SV2C: variants seen among roughly 807,000 people sequenced by gnomAD.
The protein encoded by SV2C is synaptic vesicle glycoprotein 2C.
In SV2C, 49 loss-of-function variants were observed where a neutral mutation model predicts 79.7. That is an observed-to-expected ratio of 0.61 (90% CI 0.49 to 0.78). The LOEUF (loss-of-function observed/expected upper bound fraction) is 0.78. Among genes scored for constraint, SV2C ranks in the 30% least tolerant of loss-of-function variants. SV2C has a pLI of 0.00. For synonymous variants in SV2C, 334 were observed against 333.2 expected, an observed-to-expected ratio of 1.00 and a Z score of -0.03; for missense variants, 833 against 912.9, an observed-to-expected ratio of 0.91 and a Z score of 1.13.
intron 12 of SV2C, among the ~76,000 whole-genome samples, chr5:76,346,252 G>T (rs1248064504): frequency 6.6e-6 from 1 of 152,160 alleles, no homozygotes; most frequent in African/African-American, 2.4e-5. Flanking sequence ...ATCAGGAGGC[G>T]ATACATTCTG....
At position 76,132,214 on chromosome 5, in the gene SV2C, T is replaced by C; in HGVS notation, c.464T>C (p.Phe155Ser). The C allele has an allele frequency of 6.2e-7, 1 of 1,614,148 alleles. No homozygotes were observed. Among genetic ancestry groups the C allele is most frequent in the Non-Finnish European group, 8.5e-7 (1 of 1,180,014 alleles). ...CGHGRFQWAL[F>S]FVLGMALMAD... ...CATGGTCGTTTTCAGTGGGCCCTTTTCTTCGTCCTGGGCATGGCTCTTATG... is the reference window on the plus strand; with the variant it reads ...CATGGTCGTTTTCAGTGGGCCCTTTCCTTCGTCCTGGGCATGGCTCTTATG... The change falls in exon 2 of 13, where the codon TTC becomes TCC. Residue 155 changes from phenylalanine to serine, a missense_variant. Transcript: ENST00000502798.
the SV2C span, among the ~76,000 whole-genome samples, chr5:75,917,852 T>A: frequency 6.6e-6 from 1 of 152,160 alleles, no homozygotes. Context: ...AAAGGATAAA[T>A]GCTTGGGGAG....
the SV2C span, among the ~76,000 whole-genome samples, chr5:76,026,841 G>A: frequency 3.3e-5 from 5 of 152,256 alleles, no homozygotes; most frequent in East Asian, 1.9e-4. Flanking sequence ...TAAGGATGGC[G>A]CTGGGGAAGT....
chr5:76,079,459 C>A, upstream of SV2C: 1 of 291,952 alleles, frequency 3.4e-6, no homozygotes, highest in Non-Finnish European at 7.0e-6. Flanking sequence ...AGAGGCACAC[C>A]AAAGAAGGGA....
intron 4 of SV2C, among the ~76,000 whole-genome samples, chr5:76,254,240 GTA>G (rs67420685): frequency 0.031 from 2,013 of 65,248 alleles, 36 homozygotes; most frequent in African/African-American, 0.077. Flanking sequence ...ATGTGTGTGT[GTA>G]TATATATATA....
At position 76,291,698 on chromosome 5, in the gene SV2C, G is replaced by C. The variant is rs878933556; in HGVS notation, c.1249-70G>C. On this transcript the variant is annotated intron_variant, in intron 7 of 12. Coordinates refer to ENST00000502798, the MANE Select transcript of SV2C (RefSeq NM_014979.4). The stretch of plus-strand genomic sequence containing the variant: ...ACAACTCAGCATTTTTTATAATTTG[G>C]TGGAAGGGGTCGGGGAGTGGGGTTG... The C allele has an allele frequency of 3.9e-6, 4 of 1,028,674 alleles. No homozygotes were observed. In the South Asian group the frequency reaches 6.0e-5, roughly 15 times the overall value. The allele number at this position is 1,028,674 out of a possible 1,614,324, so 63.7% of individuals were successfully genotyped here.
At chr5:76,280,098 G>A (rs1747137601) in intron 4 of SV2C, among the ~76,000 whole-genome samples, 1 of 152,170 alleles carries the variant, frequency 6.6e-6, no homozygotes, top group Admixed American at 6.5e-5. Context: ...TCAAGTGCCA[G>A]GAGTGGAGTT....
chr5:75,888,512 C>A, the SV2C span, among the ~76,000 whole-genome samples: 1 of 151,994 alleles, frequency 6.6e-6, no homozygotes, highest in Non-Finnish European at 1.5e-5. Flanking sequence ...TTACCTTGGG[C>A]CTTTGCCTCT....
chr5:76,099,677 A>G (rs997915552), intron 1 of SV2C, among the ~76,000 whole-genome samples: 1 of 152,108 alleles, frequency 6.6e-6, no homozygotes, highest in African/African-American at 2.4e-5. Flanking sequence ...CAGGCTAACT[A>G]TTGGTTTCAT....
At chr5:75,921,252 G>C in the SV2C span, 1 of 1,449,578 alleles carries the variant, frequency 6.9e-7, no homozygotes, top group Non-Finnish European at 9.6e-7. Context: ...ACTTTGATGA[G>C]GATCTGCAGG....
chr5:76,131,566 C>G, intron 1 of SV2C, 84 bp from the exon 2 acceptor site: 1 of 403,060 alleles, frequency 2.5e-6, no homozygotes, highest in Non-Finnish European at 4.3e-6. Context: ...TTGTGGGACA[C>G]TGAAAAGAGG....
At chr5:75,961,914 G>C in the SV2C span, among the ~76,000 whole-genome samples, 2 of 152,016 alleles carry the variant, frequency 1.3e-5, no homozygotes, top group Admixed American at 1.3e-4. Context: ...GCACTACTGG[G>C]ATGCAAAAAT....
At chr5:75,952,140 G>A in the SV2C span, among the ~76,000 whole-genome samples, 38,983 of 151,784 alleles carry the variant, frequency 0.26, 6,196 homozygotes, top group Non-Finnish European at 0.37. Flanking sequence ...CTTATTTTTA[G>A]TGAACTGAAA....
the SV2C span, among the ~76,000 whole-genome samples, chr5:75,927,825 C>G: frequency 6.6e-6 from 1 of 152,094 alleles, no homozygotes; most frequent in Admixed American, 6.5e-5. Flanking sequence ...TTTGGTACAT[C>G]AGTTATACCT....
At chr5:76,256,256 G>T (rs1746262474) in intron 4 of SV2C, among the ~76,000 whole-genome samples, 1 of 152,176 alleles carries the variant, frequency 6.6e-6, no homozygotes, top group Non-Finnish European at 1.5e-5. Context: ...AATTGACTTA[G>T]AATGCAGACT....
In SV2C at chr5:76,162,819, G is replaced by A. The variant is rs745459677; in HGVS notation, c.580+30489G>A. On this transcript the variant is annotated intron_variant, in intron 2 of 12. Transcript: ENST00000502798. ...TGCTCCTCCACCTCTTTTACCAGTC[G>A]GTAGTCCTGAGAGCAGGGTTTTCCA... 3.3e-4 allele frequency among the ~76,000 whole-genome samples: 50 copies of A among 152,106 alleles called. 1 individual carries two copies. Among genetic ancestry groups the A allele is most frequent in the African/African-American group, 9.7e-4 (40 of 41,412 alleles).
the SV2C span, among the ~76,000 whole-genome samples, chr5:76,025,689 C>G: frequency 6.6e-6 from 1 of 152,168 alleles, no homozygotes; most frequent in East Asian, 1.9e-4. Flanking sequence ...AGCTGGATAC[C>G]AAAAGAAATG....
the SV2C span, among the ~76,000 whole-genome samples, chr5:76,061,988 G>T: frequency 6.6e-6 from 1 of 152,148 alleles, no homozygotes; most frequent in East Asian, 1.9e-4. Flanking sequence ...AAATCAGGAA[G>T]GAGTGTTTAG....
the SV2C span, among the ~76,000 whole-genome samples, chr5:75,990,695 A>G: frequency 1.1e-4 from 16 of 151,982 alleles, no homozygotes; most frequent in Non-Finnish European, 1.2e-4. Context: ...CTGGAGATAT[A>G]CCTAATGTAA....
Sources: allele counts gnomAD v4.1 joint callset (sites outside exome capture counted in the v4.1 genomes callset), GRCh38; gene constraint gnomAD v4.1.1; transcripts MANE v1.5; gene names NCBI Gene and HGNC (gene_info 2026-07-23, HGNC 2026-07-21).